TAS2R1: variants seen among roughly 807,000 people sequenced by gnomAD.
TAS2R1 encodes the protein taste 2 receptor member 1.
For synonymous variants in TAS2R1, 141 were observed against 134.2 expected (o/e 1.05, Z -0.35); for missense variants, 370 against 353.4 (o/e 1.05, Z -0.38).
At chr5:9,832,942 A>G in the TAS2R1 span, among the ~76,000 whole-genome samples, 1 of 152,220 alleles carries the variant, frequency 6.6e-6, no homozygotes, top group Admixed American at 6.5e-5. Context: ...TATACATTTT[A>G]GGGAGACATC....
At chr5:9,660,224 A>ATTTTT (rs1561371790) in intron 1 of TAS2R1, among the ~76,000 whole-genome samples, 1 of 62,692 alleles carries the variant, frequency 1.6e-5, no homozygotes, top group African/African-American at 6.6e-5. Flanking sequence ...GCTCCCGGCT[A>ATTTTT]ATTTTTTTTT....
Position 9,629,366 on chromosome 5 carries a change from G to T in TAS2R1, c.667C>A (p.Pro223Thr). The T allele has an allele frequency of 6.2e-7, 1 of 1,614,042 alleles. No individual in the cohort carries two copies. The highest frequency in any genetic ancestry group is 1.1e-5 in the South Asian group (1 of 91,054). The change falls in exon 1 of 1, where the codon CCC becomes ACC. Residue 223 changes from proline (P) to threonine (T), a missense_variant. Physicochemically the swap from Pro to Thr is conservative, Grantham distance 38. Transcript: ENST00000382492. Reference protein sequence around the residue: ...AGSRVPGRGAPISALLSILSF... With the variant: ...AGSRVPGRGATISALLSILSF... Reference sequence around the variant, plus strand: ...AGGATAGACAGCAACGCGCTGATGGGTGCACCCCTGCCAGGAACCCTGCTG... The same window carrying T: ...AGGATAGACAGCAACGCGCTGATGGTTGCACCCCTGCCAGGAACCCTGCTG...
the TAS2R1 span, among the ~76,000 whole-genome samples, chr5:9,811,996 T>C: frequency 3.3e-5 from 5 of 152,086 alleles, no homozygotes; most frequent in Admixed American, 6.6e-5. Context: ...TCCCCCCGCA[T>C]TGCTTGCTCT....
chr5:9,849,594 C>G, the TAS2R1 span, among the ~76,000 whole-genome samples: 1 of 152,226 alleles, frequency 6.6e-6, no homozygotes, highest in African/African-American at 2.4e-5. Flanking sequence ...GTGTTCCCCC[C>G]TCCTCTGGGT....
At chr5:9,829,276 T>C in the TAS2R1 span, among the ~76,000 whole-genome samples, 1 of 152,208 alleles carries the variant, frequency 6.6e-6, no homozygotes, top group Non-Finnish European at 1.5e-5. Context: ...CTAGCACTTC[T>C]TCTTAATCAT....
At chr5:9,753,106 T>C in the TAS2R1 span, among the ~76,000 whole-genome samples, 4 of 152,190 alleles carry the variant, frequency 2.6e-5, no homozygotes, top group Admixed American at 1.3e-4. Context: ...TAGTTCTAGA[T>C]CCCTGAAGAA....
At chr5:9,836,296 G>C in the TAS2R1 span, among the ~76,000 whole-genome samples, 5 of 152,082 alleles carry the variant, frequency 3.3e-5, no homozygotes, top group African/African-American at 1.2e-4. Context: ...GACTAATAAA[G>C]TGTGTTATTT....
chr5:9,805,540 T>C, the TAS2R1 span, among the ~76,000 whole-genome samples: 1 of 152,054 alleles, frequency 6.6e-6, no homozygotes, highest in African/African-American at 2.4e-5. Flanking sequence ...ATCAAAAAGA[T>C]AATCCACCAT....
intron 1 of TAS2R1, among the ~76,000 whole-genome samples, chr5:9,667,453 C>T (rs908016249): frequency 6.6e-6 from 1 of 152,222 alleles, no homozygotes; most frequent in East Asian, 1.9e-4. Context: ...GCCACACCTG[C>T]TAGAGCTTCC....
chr5:9,653,406 A>T (rs1740347714), intron 2 of TAS2R1, among the ~76,000 whole-genome samples: 1 of 152,132 alleles, frequency 6.6e-6, no homozygotes, highest in Non-Finnish European at 1.5e-5. Flanking sequence ...TTGCTTATCC[A>T]TTCATTTGTT....
chr5:9,707,426 C>T (rs1284796455), intron 1 of TAS2R1, among the ~76,000 whole-genome samples: 1 of 152,190 alleles, frequency 6.6e-6, no homozygotes, highest in African/African-American at 2.4e-5. Context: ...GACCAGAGAA[C>T]TATTTGACCT....
the TAS2R1 span, among the ~76,000 whole-genome samples, chr5:9,888,575 G>C: frequency 6.6e-6 from 1 of 152,332 alleles, no homozygotes; most frequent in East Asian, 1.9e-4. Context: ...GCATTTCACA[G>C]GGTGGACCCA....
At chr5:9,866,536 C>T in the TAS2R1 span, among the ~76,000 whole-genome samples, 1 of 152,148 alleles carries the variant, frequency 6.6e-6, no homozygotes, top group Non-Finnish European at 1.5e-5. Flanking sequence ...TGGCAAATCA[C>T]TTTTTTTCCG....
At chr5:9,648,350 C>CT (rs1275137353) in intron 2 of TAS2R1, among the ~76,000 whole-genome samples, 2 of 151,872 alleles carry the variant, frequency 1.3e-5, no homozygotes, top group African/African-American at 2.4e-5. Flanking sequence ...GTTTTTATGC[C>CT]TTTTTTCCAA....
chr5:9,643,316 C>T (rs896921662), intron 2 of TAS2R1, among the ~76,000 whole-genome samples: 2 of 152,182 alleles, frequency 1.3e-5, no homozygotes, highest in African/African-American at 4.8e-5. Context: ...ATCTGTACAA[C>T]ATGTTACTGT....
At chr5:9,653,753 C>CT (rs1201270290) in intron 2 of TAS2R1, among the ~76,000 whole-genome samples, 1 of 152,162 alleles carries the variant, frequency 6.6e-6, no homozygotes, top group Admixed American at 6.5e-5. Context: ...TACTGTATCA[C>CT]TTACTGTCAT....
At chr5:9,757,631 T>C in the TAS2R1 span, among the ~76,000 whole-genome samples, 1 of 152,198 alleles carries the variant, frequency 6.6e-6, no homozygotes, top group Non-Finnish European at 1.5e-5. Context: ...GATTTCAGTA[T>C]TCTGCATTAC....
At chr5:9,742,264 T>C in the TAS2R1 span, among the ~76,000 whole-genome samples, 42 of 152,282 alleles carry the variant, frequency 2.8e-4, no homozygotes, top group Admixed American at 2.7e-3. Flanking sequence ...AGAATATACA[T>C]AGAAAGACAG....
chr5:9,692,936 C>T (rs771800880), intron 1 of TAS2R1, among the ~76,000 whole-genome samples: 47 of 152,072 alleles, frequency 3.1e-4, no homozygotes, highest in Non-Finnish European at 6.0e-4. Context: ...GAAGGCGGCT[C>T]ATTTGGTTTA....
Sources: allele counts gnomAD v4.1 joint callset (sites outside exome capture counted in the v4.1 genomes callset), GRCh38; gene constraint gnomAD v4.1.1; transcripts MANE v1.5; gene names NCBI Gene and HGNC (gene_info 2026-07-23, HGNC 2026-07-21).